CPNE2: variants seen among roughly 807,000 people sequenced by gnomAD.
The protein encoded by CPNE2 is copine-2.
A neutral mutation model predicts 69.7 loss-of-function variants in CPNE2; 42 were observed. The ratio of observed to expected loss-of-function variants is 0.60; its 90% CI spans 0.47 to 0.78. The LOEUF (loss-of-function observed/expected upper bound fraction) is 0.78. CPNE2 is among the 30% of genes least tolerant of loss of function. The pLI is 0.00. For missense variants in CPNE2, 587 were observed against 732.0 expected (o/e 0.80, Z 2.29); for synonymous variants, 294 against 289.8 (o/e 1.01, Z -0.15).
intron 12 of CPNE2, 55 bp downstream of exon 12, chr16:57,127,958 G>A: frequency 6.4e-7 from 1 of 1,564,676 alleles, no homozygotes; most frequent in Non-Finnish European, 8.8e-7. Flanking sequence ...TGTGTGTGTG[G>A]CCTCTCGGGG....
intron 10 of CPNE2, chr16:57,124,456 G>A (rs956112183): frequency 5.4e-5 from 24 of 441,198 alleles, no homozygotes; most frequent in Admixed American, 2.5e-4. Context: ...CCTGATCGTC[G>A]CACCCACTGG....
At chr16:57,145,704 C>T (rs947490189) in intron 14 of CPNE2, 1 of 244,718 alleles carries the variant, frequency 4.1e-6, no homozygotes, top group Non-Finnish European at 8.1e-6. Flanking sequence ...TGCAACAACT[C>T]CCACTTTGCA....
At chr16:57,136,011 G>A (rs2069877656) in intron 13 of CPNE2, among the ~76,000 whole-genome samples, 1 of 139,698 alleles carries the variant, frequency 7.2e-6, no homozygotes, top group Non-Finnish European at 1.6e-5. Flanking sequence ...AGGAAAGGAG[G>A]AAGGGAGGGA....
chr16:57,147,810 C>A lies in CPNE2; in HGVS notation c.*152C>A. 1 of 471,486 alleles carries A rather than the reference C, an allele frequency of 2.1e-6. No individual in the cohort carries two copies. Among genetic ancestry groups the A allele is most frequent in the Non-Finnish European group, 3.7e-6 (1 of 272,490 alleles). The allele number at this position is 471,486 out of a possible 1,614,324, so 29.2% of individuals were successfully genotyped here. ...ACCTCCACCCCCAACTTCCTCCAGCCCAGCTGGGCTTCCTTTGTTGGAGTC... is the reference window on the plus strand; with the variant it reads ...ACCTCCACCCCCAACTTCCTCCAGCACAGCTGGGCTTCCTTTGTTGGAGTC... On this transcript the variant is annotated 3_prime_UTR_variant, in exon 16 of 16. Transcript: ENST00000290776.
intron 7 of CPNE2, among the ~76,000 whole-genome samples, chr16:57,120,367 G>T (rs895437308): frequency 6.6e-6 from 1 of 151,122 alleles, no homozygotes; most frequent in African/African-American, 2.4e-5. Flanking sequence ...GATGTCAGGA[G>T]ATTGAGACCA....
intron 12 of CPNE2, among the ~76,000 whole-genome samples, chr16:57,132,273 G>A (rs1276423136): frequency 7.9e-5 from 12 of 152,206 alleles, no homozygotes; most frequent in East Asian, 3.8e-4. Context: ...GTCTCAGGAC[G>A]CGTTTCCCTT....
chr16:57,118,722 A>G (rs1229218780), intron 5 of CPNE2, among the ~76,000 whole-genome samples: 2 of 152,162 alleles, frequency 1.3e-5, no homozygotes, highest in Admixed American at 1.3e-4. Flanking sequence ...TGAGTCACAT[A>G]CAAAAAGTGG....
At position 57,146,557 on chromosome 16, in the gene CPNE2, G is replaced by C. The variant is rs1298152543; in HGVS notation, c.1539+236G>C. 6 of 529,258 alleles carry C rather than the reference G, an allele frequency of 1.1e-5. No individual in the cohort carries two copies. The allele number at this position is 529,258 out of a possible 1,614,324, so 32.8% of individuals were successfully genotyped here. ...ACAAACTGATGGAACATGGAGCCGT[G>C]GGCATCTAGCCTGAGGCTCTGGGGC... On this transcript the variant is annotated intron_variant, in intron 15 of 15. Coordinates refer to ENST00000290776, the MANE Select transcript of CPNE2 (RefSeq NM_152727.6). The surrounding 1 kb of genome is among the most constrained non-coding windows in gnomAD (Gnocchi z 4.4).
At position 57,124,673 on chromosome 16, in the gene CPNE2, A is replaced by G. The variant is rs573542263; in HGVS notation, c.928-1187A>G. 12 of 260,130 alleles carry G rather than the reference A, an allele frequency of 4.6e-5. No individual in the cohort carries two copies. In the East Asian group the frequency reaches 5.4e-4, roughly 12 times the overall value. The allele number at this position is 260,130 out of a possible 1,614,324, so 16.1% of individuals were successfully genotyped here. ...TGCTTCCTCACCCCAAGGGAGCCTC[A>G]GGCCCAGAAGGGAGGAAGCTGCTGG... On this transcript the variant is annotated intron_variant, in intron 10 of 15. Transcript: ENST00000290776.
chr16:57,105,901 CAGAGGTGTTT>C (rs1202154159), intron 1 of CPNE2: 2 of 152,290 alleles, frequency 1.3e-5, no homozygotes, highest in Non-Finnish European at 2.9e-5. Context: ...GGGGCTGCCC[CAGAGGTGTTT>C]CCATCGTGCC....
intron 9 of CPNE2, 144 bp from the exon 10 acceptor site, chr16:57,123,270 G>A: frequency 1.3e-6 from 1 of 777,844 alleles, no homozygotes; most frequent in Non-Finnish European, 2.2e-6. Context: ...AGAGAGATTT[G>A]GGTTTTGTTG....
intron 10 of CPNE2, 97 bp from the exon 11 acceptor site, chr16:57,125,763 G>A: frequency 6.8e-7 from 1 of 1,468,354 alleles, no homozygotes; most frequent in Non-Finnish European, 9.2e-7. Context: ...AGATGAGTGG[G>A]CTTCCCATGT....
chr16:57,111,228 G>A (rs140191611), intron 2 of CPNE2, among the ~76,000 whole-genome samples: 2,918 of 148,760 alleles, frequency 0.02, 98 homozygotes, highest in African/African-American at 0.069. Flanking sequence ...CCAGGCTGGA[G>A]TGCAGTGGTG....
intron 11 of CPNE2, among the ~76,000 whole-genome samples, chr16:57,126,821 C>T (rs1340004946): frequency 1.3e-5 from 2 of 152,174 alleles, no homozygotes; most frequent in Non-Finnish European, 2.9e-5. Context: ...TCCCAGGTGT[C>T]CAGCTGCCCA....
At chr16:57,115,629 G>C (rs2069713700) in intron 4 of CPNE2, 79 bp downstream of exon 4, 1 of 1,003,860 alleles carries the variant, frequency 1.0e-6, no homozygotes. Context: ...CGCTTCCCTG[G>C]CAGATAATCA....
chr16:57,113,765 C>G (rs1015340429), intron 3 of CPNE2, among the ~76,000 whole-genome samples: 8 of 152,206 alleles, frequency 5.3e-5, no homozygotes, highest in South Asian at 2.1e-4. Flanking sequence ...GACCAGCAAC[C>G]AAGACACCCA....
chr16:57,123,497 C>T, intron 10 of CPNE2, 24 bp downstream of exon 10: 1 of 1,611,152 alleles, frequency 6.2e-7, no homozygotes, highest in Non-Finnish European at 8.5e-7. Flanking sequence ...CGCTGGCTCC[C>T]TCTGCACCCC....
chr16:57,132,688 C>T (rs1187448010), intron 12 of CPNE2, among the ~76,000 whole-genome samples: 1 of 152,184 alleles, frequency 6.6e-6, no homozygotes, highest in African/African-American at 2.4e-5. Flanking sequence ...CTGTTTATGA[C>T]TTTTCTCAGG....
At position 57,134,906 on chromosome 16, in the gene CPNE2, A is replaced by C. The variant is rs2069867363; in HGVS notation, c.1168+80A>C. The C allele has an allele frequency of 4.2e-6, 6 of 1,439,424 alleles. No homozygotes were observed. The East Asian group carries it at 1.4e-4, about 33-fold the overall frequency. 89.2% of individuals were successfully genotyped at this position (1,439,424 alleles called of 1,614,324 possible). On this transcript the variant is annotated intron_variant, in intron 13 of 15. Coordinates refer to ENST00000290776, the MANE Select transcript of CPNE2 (RefSeq NM_152727.6). ...TCCCTGGGTGGAGGGAGGGCAGAGG[A>C]CAGGTTTTCATTTCTTTCTCCTTTC...
Sources: allele counts gnomAD v4.1 joint callset (sites outside exome capture counted in the v4.1 genomes callset), GRCh38; gene constraint gnomAD v4.1.1; non-coding constraint Gnocchi (gnomAD v3.1); transcripts MANE v1.5; gene names NCBI Gene and HGNC (gene_info 2026-07-23, HGNC 2026-07-21).